ATE1: variants seen among roughly 807,000 people sequenced by gnomAD.
The protein encoded by ATE1 is arginyl-tRNA--protein transferase 1.
A neutral mutation model predicts 70.5 loss-of-function variants in ATE1; 36 were observed. The observed-to-expected ratio is 0.51, with a 90% confidence interval of 0.39 to 0.67. The LOEUF is 0.67. ATE1 is among the 30% of genes least tolerant of loss of function. ATE1 has a pLI of 0.00. For missense variants in ATE1, 593 were observed against 629.5 expected (o/e 0.94, Z 0.62); for synonymous variants, 232 against 219.3 (o/e 1.06, Z -0.51).
chr10:121,860,441 A>C (rs1385006133), intron 8 of ATE1, among the ~76,000 whole-genome samples: 1 of 152,202 alleles, frequency 6.6e-6, no homozygotes. Flanking sequence ...TACTAAACCA[A>C]AGGATGAACA....
intron 10 of ATE1, among the ~76,000 whole-genome samples, chr10:121,833,855 G>C (rs1164035959): frequency 6.6e-6 from 1 of 152,090 alleles, no homozygotes; most frequent in African/African-American, 2.4e-5. Context: ...GAGGCTCTCA[G>C]CTGTGAAAAA....
chr10:121,826,060 C>G (rs1004484349), intron 10 of ATE1, among the ~76,000 whole-genome samples: 1 of 152,146 alleles, frequency 6.6e-6, no homozygotes, highest in Non-Finnish European at 1.5e-5. Context: ...TAAATTAAGT[C>G]AGTTACAGAA....
rs1951409303 is a variant in ATE1 at position 121,911,153 on chromosome 10, TA to T, written c.338-3del. 1 of 1,602,986 alleles carries T rather than the reference TA, an allele frequency of 6.2e-7. No homozygotes were observed. Among genetic ancestry groups the T allele is most frequent in the African/African-American group, 1.3e-5 (1 of 74,104 alleles). ...CCATTGTGGAATCCATGGGCTCATC[TA>T]CAAATCAGAAGAAATTAAAAATCCA... On this transcript the variant is annotated splice_polypyrimidine_tract_variant and splice_region_variant and intron_variant, in intron 4 of 11. Coordinates refer to ENST00000224652, the MANE Select transcript of ATE1 (RefSeq NM_001001976.3).
chr10:121,853,143 T>A (rs1406808641), intron 8 of ATE1, among the ~76,000 whole-genome samples: 1 of 152,072 alleles, frequency 6.6e-6, no homozygotes. Flanking sequence ...GGTGGGCCGA[T>A]CACGAGGTCA....
chr10:121,853,527 C>CT (rs1949134953), intron 8 of ATE1, among the ~76,000 whole-genome samples: 1 of 151,830 alleles, frequency 6.6e-6, no homozygotes, highest in African/African-American at 2.4e-5. Context: ...GATGCTCAAC[C>CT]AGTAAGTATA....
chr10:121,798,959 A>G (rs1946768308), intron 10 of ATE1, among the ~76,000 whole-genome samples: 1 of 91,130 alleles, frequency 1.1e-5, no homozygotes, highest in Non-Finnish European at 2.6e-5. Context: ...AGATAAAACA[A>G]TAAGATGATA....
chr10:121,862,763 C>T lies in ATE1; in HGVS notation c.975+7243G>A, dbSNP rs963796278. Reference sequence around the variant, plus strand: ...GTCCCAACAGAATGAAATGAAAAAACCAGCAGGAACCAGCAGATGGCATCA... The same window carrying T: ...GTCCCAACAGAATGAAATGAAAAAATCAGCAGGAACCAGCAGATGGCATCA... On this transcript the variant is annotated intron_variant, in intron 8 of 11. Transcript: ENST00000224652. Among the ~76,000 whole-genome samples, 5 of 152,024 alleles carry T rather than the reference C, an allele frequency of 3.3e-5. No homozygotes were observed. In the South Asian group the frequency reaches 6.2e-4, roughly 19 times the overall value.
At chr10:121,836,314 G>C (rs115107527) in intron 10 of ATE1, among the ~76,000 whole-genome samples, 78 of 152,200 alleles carry the variant, frequency 5.1e-4, no homozygotes, top group African/African-American at 1.7e-3. Context: ...CTTCAGAGCT[G>C]AAAGCCTCAC....
intron 7 of ATE1, among the ~76,000 whole-genome samples, chr10:121,881,911 A>G (rs934433559): frequency 1.3e-5 from 2 of 152,104 alleles, no homozygotes; most frequent in East Asian, 1.9e-4. Flanking sequence ...CTCCTGCCTC[A>G]GCCTCCTGAG....
At chr10:121,763,794 AC>A (rs749530795) in intron 11 of ATE1, among the ~76,000 whole-genome samples, 19 of 152,236 alleles carry the variant, frequency 1.2e-4, no homozygotes, top group Non-Finnish European at 2.4e-4. Context: ...TGGGCAGATC[AC>A]TTGAGGCCAG....
rs750355841 is a variant in ATE1 at position 121,902,378 on chromosome 10, T to C, written c.813+13A>G. 6.9e-6 allele frequency: 11 copies of C among 1,595,672 alleles called. No homozygotes were observed. In the East Asian group the frequency reaches 1.6e-4, roughly 23 times the overall value. On this transcript the variant is annotated intron_variant, in intron 6 of 11. Coordinates refer to ENST00000224652, the MANE Select transcript of ATE1 (RefSeq NM_001001976.3). ...ATCATAATAAAACAAACAACAAAAG[T>C]CCTCCAAAGTACCTCTAACTTGTGT...
At chr10:121,859,943 A>T (rs1379730923) in intron 8 of ATE1, among the ~76,000 whole-genome samples, 1 of 152,200 alleles carries the variant, frequency 6.6e-6, no homozygotes, top group Non-Finnish European at 1.5e-5. Context: ...TCCATCTCAC[A>T]AAATATAAAA....
At chr10:121,824,320 G>A (rs1947920941) in intron 10 of ATE1, among the ~76,000 whole-genome samples, 1 of 152,184 alleles carries the variant, frequency 6.6e-6, no homozygotes, top group Non-Finnish European at 1.5e-5. Flanking sequence ...TACCACGTGT[G>A]TCCACATGCA....
chr10:121,791,683 A>G (rs149057504), intron 10 of ATE1, among the ~76,000 whole-genome samples: 227 of 152,334 alleles, frequency 1.5e-3, no homozygotes, highest in African/African-American at 5.1e-3. Context: ...AATACATTCT[A>G]TATCACAGCC....
chr10:121,781,973 A>G (rs923188438), intron 11 of ATE1, among the ~76,000 whole-genome samples: 6 of 152,226 alleles, frequency 3.9e-5, no homozygotes, highest in African/African-American at 1.4e-4. Context: ...ATAAAAGAAC[A>G]CTATAAAATA....
intron 11 of ATE1, among the ~76,000 whole-genome samples, chr10:121,784,880 A>G (rs1946144130): frequency 6.6e-6 from 1 of 152,176 alleles, no homozygotes. Flanking sequence ...AAAAATCGTA[A>G]TAATACAATA....
intron 11 of ATE1, among the ~76,000 whole-genome samples, chr10:121,753,564 T>C (rs757154473): frequency 4.6e-5 from 7 of 152,160 alleles, no homozygotes; most frequent in Admixed American, 2.6e-4. Context: ...AATCAGGCAA[T>C]TGCATACAAA....
At chr10:121,825,126 A>C (rs1947955319) in intron 10 of ATE1, among the ~76,000 whole-genome samples, 2 of 151,660 alleles carry the variant, frequency 1.3e-5, no homozygotes, top group African/African-American at 4.8e-5. Flanking sequence ...CTTCCACTTT[A>C]ATTTAAATAT....
intron 10 of ATE1, among the ~76,000 whole-genome samples, chr10:121,797,272 A>G (rs1946694624): frequency 1.3e-5 from 2 of 152,246 alleles, no homozygotes; most frequent in African/African-American, 4.8e-5. Context: ...AAACTGATAC[A>G]GAGGAGGAGC....
Sources: allele counts gnomAD v4.1 joint callset (sites outside exome capture counted in the v4.1 genomes callset), GRCh38; gene constraint gnomAD v4.1.1; transcripts MANE v1.5; gene names NCBI Gene and HGNC (gene_info 2026-07-23, HGNC 2026-07-21).